Variants in LAMA1 observed in about 807,000 individuals in gnomAD.
LAMA1 encodes the protein laminin subunit alpha 1, also known as laminin subunit alpha-1.
A neutral mutation model predicts 348.7 loss-of-function variants in LAMA1; 219 were observed. The observed-to-expected ratio is 0.63, with a 90% confidence interval of 0.56 to 0.70. LAMA1 has a LOEUF of 0.70. Among genes scored for constraint, LAMA1 ranks in the 30% least tolerant of loss-of-function variants. The pLI is 0.00. For missense variants in LAMA1, 3,744 were observed against 3,888.0 expected (o/e 0.96, Z 0.99); for synonymous variants, 1,487 against 1,491.0 (o/e 1.00, Z 0.06).
Position 7,038,924 on chromosome 18 carries a change from A to T in LAMA1, c.1449T>A (p.Asp483Glu). The stretch of plus-strand genomic sequence containing the variant: ...AGTTATAGAATCCTGGCTTGCAGCG[A>T]TCACAGGCCTTCCCCTCAACGTTTT... The part of the protein sequence containing the change: ...CKENVEGKAC[D>E]RCKPGFYNLK... The change falls in exon 11 of 63, where the codon GAT becomes GAA. Residue 483 changes from aspartate (D) to glutamate (E), a missense_variant. Around this residue, in one of 3 missense-constraint regions of LAMA1, gnomAD observed 1,529 missense variants for 1,689.4 expected, o/e 0.91. Transcript: ENST00000389658. 6.2e-7 allele frequency: 1 copy of T among 1,613,960 alleles called. No homozygotes were observed. The highest frequency in any genetic ancestry group is 1.7e-5 in the Admixed American group (1 of 60,024).
At chr18:6,955,490 C>A in intron 56 of LAMA1, 25 bp from the exon 57 acceptor site, 1 of 1,570,720 alleles carries the variant, frequency 6.4e-7, no homozygotes. Flanking sequence ...CAGGGACACT[C>A]AGCCGCCACC....
intron 57 of LAMA1, chr18:6,954,960 C>A: frequency 1.2e-5 from 4 of 328,982 alleles, no homozygotes; most frequent in South Asian, 1.0e-4. Context: ...GTGTGGCACT[C>A]GGGATTTTGG....
At chr18:6,958,000 T>A (rs2143998147) in intron 55 of LAMA1, among the ~76,000 whole-genome samples, 1 of 152,258 alleles carries the variant, frequency 6.6e-6, no homozygotes, top group African/African-American at 2.4e-5. Flanking sequence ...CAGGCTGGTC[T>A]CAAACTCCTG....
chr18:7,002,424 A>G, intron 29 of LAMA1, 39 bp from the exon 30 acceptor site: 1 of 1,607,634 alleles, frequency 6.2e-7, no homozygotes. Context: ...AAAAAATGGG[A>G]AATTGTTAGA....
Position 7,015,794 on chromosome 18 carries a change from AG to A in LAMA1, c.3053del (p.Pro1018LeufsTer6), listed in dbSNP as rs764581574. 4.3e-6 allele frequency: 7 copies of A among 1,613,962 alleles called. No individual in the cohort carries two copies. Among genetic ancestry groups the A allele is most frequent in the Non-Finnish European group, 5.1e-6 (6 of 1,179,956 alleles). On this transcript the variant is annotated frameshift_variant, in exon 22 of 63. Transcript: ENST00000389658. LOFTEE classifies it high-confidence loss of function. ...CTTCACACTTCACACCCTGTGTGTGAGGGGGGCAGACACACTCTCCAGTTTC... is the reference window on the plus strand; with the variant it reads ...CTTCACACTTCACACCCTGTGTGTGAGGGGGCAGACACACTCTCCAGTTTC... ...DPETGECVCP[P>X]HTQGVKCEEC...
intron 3 of LAMA1, among the ~76,000 whole-genome samples, chr18:7,062,359 T>C (rs542497432): frequency 3.9e-5 from 6 of 152,152 alleles, no homozygotes; most frequent in African/African-American, 1.4e-4. Context: ...GGAAAGACAC[T>C]GAGGGGAACT....
chr18:6,988,389 C>A (rs1468639716), intron 36 of LAMA1, among the ~76,000 whole-genome samples: 1 of 152,202 alleles, frequency 6.6e-6, no homozygotes, highest in East Asian at 1.9e-4. Context: ...AAGAAGTGAG[C>A]CGGATCCTCC....
In LAMA1 at chr18:7,032,084, A is replaced by G. The variant is rs775080489; in HGVS notation, c.2256T>C (p.Asn752=). Residue 752 remains asparagine (N), a synonymous_variant, in exon 16 of 63, where the codon AAT becomes AAC. Coordinates refer to ENST00000389658, the MANE Select transcript of LAMA1 (RefSeq NM_005559.4). ...GACTCACAATGCAAACGCCGTGAAC[A>G]TTACACTCAGCTGCATGGCCGTGGC... ...CECHGHAAEC[N]VHGVCIACAH... 2 of 1,614,112 alleles carry G rather than the reference A, an allele frequency of 1.2e-6. No homozygotes were observed. Among genetic ancestry groups the G allele is most frequent in the East Asian group, 2.2e-5 (1 of 44,864 alleles).
intron 29 of LAMA1, among the ~76,000 whole-genome samples, chr18:7,006,450 A>C (rs937705576): frequency 6.6e-6 from 1 of 152,212 alleles, no homozygotes; most frequent in African/African-American, 2.4e-5. Context: ...AACTTATTTT[A>C]AAATTCCCAC....
At chr18:6,951,678 C>T (rs1447178273) in intron 57 of LAMA1, among the ~76,000 whole-genome samples, 2 of 152,252 alleles carry the variant, frequency 1.3e-5, no homozygotes, top group East Asian at 3.9e-4. Context: ...TGAAGCGGGT[C>T]CCATCAGGCA....
intron 1 of LAMA1, among the ~76,000 whole-genome samples, chr18:7,081,229 GA>G (rs1445715216): frequency 6.6e-6 from 1 of 152,056 alleles, no homozygotes; most frequent in African/African-American, 2.4e-5. Flanking sequence ...TTTTCTGATT[GA>G]AAATGTTTAC....
In LAMA1 at chr18:6,951,662, C is replaced by T. The variant is rs558634630; in HGVS notation, c.8208-691G>A. On this transcript the variant is annotated intron_variant, in intron 57 of 62. Transcript: ENST00000389658. ...TAAACTGAAGAACAGGTCAGGGGGT[C>T]AGGGGTGAAGCGGGTCCCATCAGGC... is the stretch of plus-strand genomic sequence containing the variant. Among the ~76,000 whole-genome samples the T allele has an allele frequency of 1.5e-3, 223 of 151,936 alleles. 2 individuals carry two copies. Among genetic ancestry groups the T allele is most frequent in the African/African-American group, 5.1e-3 (210 of 41,358 alleles).
At chr18:6,969,642 C>CT (rs2057649297) in intron 48 of LAMA1, among the ~76,000 whole-genome samples, 1 of 152,154 alleles carries the variant, frequency 6.6e-6, no homozygotes, top group Admixed American at 6.5e-5. Context: ...TAATCAGACC[C>CT]TAGTTTGGTT....
At chr18:6,971,768 T>C in intron 48 of LAMA1, 89 bp downstream of exon 48, 2 of 1,567,528 alleles carry the variant, frequency 1.3e-6, no homozygotes, top group South Asian at 2.2e-5. Flanking sequence ...ACTCTATTCC[T>C]TGACGTGCAT....
rs774623702 is a variant in LAMA1 at position 7,023,287 on chromosome 18, C to T, written c.2578G>A (p.Ala860Thr). The part of the protein sequence containing the change: ...DCSGNVDPSE[A>T]GHCDSVTGEC... ...CCGGTGACTGAGTCACAGTGACCAGCCTCCGAGGGGTCCACGTTGCCGCTG... is the reference window on the plus strand; with the variant it reads ...CCGGTGACTGAGTCACAGTGACCAGTCTCCGAGGGGTCCACGTTGCCGCTG... Residue 860 changes from alanine (A) to threonine (T), a missense_variant, in exon 19 of 63, where the codon GCT becomes ACT. Ala to Thr is a moderately conservative substitution (Grantham distance 58, BLOSUM62 0). Coordinates refer to ENST00000389658, the MANE Select transcript of LAMA1 (RefSeq NM_005559.4). The T allele has an allele frequency of 2.2e-5, 36 of 1,614,162 alleles. No homozygotes were observed. Among genetic ancestry groups the T allele is most frequent in the Non-Finnish European group, 3.1e-5 (36 of 1,180,038 alleles).
chr18:6,964,228 A>G lies in LAMA1; in HGVS notation c.7337+434T>C, dbSNP rs2057622104. The G allele has an allele frequency of 1.9e-5, 5 of 261,220 alleles. No individual in the cohort carries two copies. In the South Asian group the frequency reaches 2.6e-4, roughly 14 times the overall value. 16.2% of individuals were successfully genotyped at this position (261,220 alleles called of 1,614,324 possible). Reference sequence around the variant, plus strand: ...ATGGCATAGAGTACTCTGAATAAATAGAAGCAGATGTTACAGGTTGAACCG... The same window carrying G: ...ATGGCATAGAGTACTCTGAATAAATGGAAGCAGATGTTACAGGTTGAACCG... On this transcript the variant is annotated intron_variant, in intron 51 of 62. Coordinates refer to ENST00000389658, the MANE Select transcript of LAMA1 (RefSeq NM_005559.4).
In LAMA1 at chr18:7,007,129, A is replaced by AC; in HGVS notation, c.4260+9dup. 1.2e-6 allele frequency: 2 copies of AC among 1,613,782 alleles called. No individual in the cohort carries two copies. The highest frequency in any genetic ancestry group is 1.7e-6 in the Non-Finnish European group (2 of 1,179,946). On this transcript the variant is annotated intron_variant, in intron 29 of 62. Transcript: ENST00000389658. The stretch of plus-strand genomic sequence containing the variant: ...TAAACTCAGGCAAGCACCCCCACAA[A>AC]CCAGCATACCAGACACTTCCCGGTG...
At chr18:6,982,391 T>C (rs1804419702) in intron 41 of LAMA1, 106 bp downstream of exon 41, 1 of 923,662 alleles carries the variant, frequency 1.1e-6, no homozygotes, top group African/African-American at 1.6e-5. Context: ...GACACAGAAA[T>C]GCTAAGCTTC....
At chr18:6,954,980 T>G in intron 57 of LAMA1, 2 of 345,186 alleles carry the variant, frequency 5.8e-6, no homozygotes, top group Non-Finnish European at 1.1e-5. Context: ...GCCACCACAG[T>G]GTAAGAGTTT....
Sources: allele counts gnomAD v4.1 joint callset (sites outside exome capture counted in the v4.1 genomes callset), GRCh38; gene constraint gnomAD v4.1.1; regional missense constraint gnomAD v4.1.1; transcripts MANE v1.5; gene names NCBI Gene and HGNC (gene_info 2026-07-23, HGNC 2026-07-21).